GRB10: variants seen among roughly 807,000 people sequenced by gnomAD.
The protein encoded by GRB10 is growth factor receptor bound protein 10.
GRB10 carries 20 observed loss-of-function variants against 80.9 expected under a neutral mutation model. The ratio of observed to expected loss-of-function variants is 0.25; its 90% CI spans 0.17 to 0.36. The LOEUF is 0.36. Among genes scored for constraint, GRB10 ranks in the 10% least tolerant of loss-of-function variants. GRB10 has a pLI of 1.00. For missense variants in GRB10, 548 were observed against 747.7 expected, an observed-to-expected ratio of 0.73 and a Z score of 3.12; for synonymous variants, 291 against 291.5, an observed-to-expected ratio of 1.00 and a Z score of 0.02.
chr7:50,751,257 G>A (rs768589152), intron 3 of GRB10, among the ~76,000 whole-genome samples: 8 of 152,248 alleles, frequency 5.3e-5, no homozygotes, highest in Middle Eastern at 3.4e-3. Context: ...AGGAAAAAAG[G>A]AAGGACACTG....
intron 7 of GRB10, among the ~76,000 whole-genome samples, chr7:50,651,356 T>G (rs1470334705): frequency 6.6e-6 from 1 of 152,236 alleles, no homozygotes; most frequent in Non-Finnish European, 1.5e-5. Context: ...TGGCGGCTGC[T>G]GGCATCTTTG....
At chr7:50,596,758 A>C (rs1232606391) in intron 17 of GRB10, among the ~76,000 whole-genome samples, 1 of 152,248 alleles carries the variant, frequency 6.6e-6, no homozygotes, top group Non-Finnish European at 1.5e-5. Flanking sequence ...AATGTGCCAT[A>C]ATCTTAATAA....
chr7:50,755,570 T>C (rs769923518), intron 3 of GRB10, among the ~76,000 whole-genome samples: 3 of 151,918 alleles, frequency 2.0e-5, no homozygotes, highest in Non-Finnish European at 2.9e-5. Flanking sequence ...CCCCACCATA[T>C]GGAAGGGCAC....
At chr7:50,669,311 G>A (rs2060120729) in intron 7 of GRB10, among the ~76,000 whole-genome samples, 1 of 152,208 alleles carries the variant, frequency 6.6e-6, no homozygotes, top group African/African-American at 2.4e-5. Flanking sequence ...GAGGACTTAG[G>A]AGCTTACAAT....
intron 4 of GRB10, among the ~76,000 whole-genome samples, chr7:50,727,455 C>T (rs984843585): frequency 3.9e-5 from 6 of 152,004 alleles, no homozygotes; most frequent in African/African-American, 1.2e-4. Flanking sequence ...AAATGGTAAG[C>T]GAACAAACAA....
chr7:50,657,290 C>G (rs1456789597), intron 7 of GRB10, among the ~76,000 whole-genome samples: 1 of 152,108 alleles, frequency 6.6e-6, no homozygotes, highest in Non-Finnish European at 1.5e-5. Flanking sequence ...GTTCAATGGT[C>G]AGAGTCAAAA....
intron 3 of GRB10, among the ~76,000 whole-genome samples, chr7:50,742,271 G>GCGCACACACA (rs1189043181): frequency 7.9e-4 from 37 of 46,906 alleles, no homozygotes; most frequent in Admixed American, 2.7e-3. Context: ...ACGCGCGCGC[G>GCGCACACACA]CACACACACA....
Position 50,604,199 on chromosome 7 carries a change from T to C in GRB10, c.1456+112A>G. The C allele has an allele frequency of 1.0e-5, 13 of 1,287,534 alleles. No homozygotes were observed. In the South Asian group the frequency reaches 1.5e-4, roughly 15 times the overall value. 79.8% of individuals were successfully genotyped at this position (1,287,534 alleles called of 1,614,324 possible). A position where few individuals can be genotyped will look rare whatever the true frequency, so the allele number is the denominator to read the frequency against. On this transcript the variant is annotated intron_variant, in intron 16 of 18. Coordinates refer to ENST00000401949, the MANE Select transcript of GRB10 (RefSeq NM_001350814.2). Reference sequence around the variant, plus strand: ...AGCCCCTGACTCCCCCAGCTACAGCTTGTGTGGTGCACTCTGGCCACAGGC... The same window carrying C: ...AGCCCCTGACTCCCCCAGCTACAGCCTGTGTGGTGCACTCTGGCCACAGGC...
chr7:50,704,658 A>C lies in GRB10; in HGVS notation c.52-750T>G, dbSNP rs189385100. On this transcript the variant is annotated intron_variant, in intron 4 of 18. Coordinates refer to ENST00000401949, the MANE Select transcript of GRB10 (RefSeq NM_001350814.2). Reference sequence around the variant, plus strand: ...GTATAAGATGTGCCCCAGAACTACTAATATTAATACATTGTCACAAATATC... The same window carrying C: ...GTATAAGATGTGCCCCAGAACTACTCATATTAATACATTGTCACAAATATC... 5.9e-5 allele frequency among the ~76,000 whole-genome samples: 9 copies of C among 152,354 alleles called. No individual in the cohort carries two copies. In the East Asian group the frequency reaches 1.7e-3, roughly 29 times the overall value.
chr7:50,724,366 T>A (rs988128703), intron 4 of GRB10, among the ~76,000 whole-genome samples: 4 of 152,196 alleles, frequency 2.6e-5, no homozygotes, highest in Non-Finnish European at 4.4e-5. Context: ...AAAAATACGA[T>A]ACACACCCAC....
At chr7:50,735,392 G>A (rs2329490) in intron 3 of GRB10, among the ~76,000 whole-genome samples, 122,317 of 152,170 alleles carry the variant, frequency 0.8, 49,348 homozygotes, top group Middle Eastern at 0.87. Context: ...ATTCAATGCA[G>A]TCCCTATCAA....
At position 50,732,254 on chromosome 7, in the gene GRB10, A is replaced by T; in HGVS notation, c.51+18T>A. 1 of 1,613,312 alleles carries T rather than the reference A, an allele frequency of 6.2e-7. No individual in the cohort carries two copies. The highest frequency in any genetic ancestry group is 1.7e-4 in the Middle Eastern group (1 of 6,052). On this transcript the variant is annotated intron_variant, in intron 4 of 18. Coordinates refer to ENST00000401949, the MANE Select transcript of GRB10 (RefSeq NM_001350814.2). ...CAGCACCATCGGGCCAGGATCAGAT[A>T]TATGTGCTCGCCCATACCTGGTAGT...
intron 5 of GRB10, among the ~76,000 whole-genome samples, chr7:50,675,446 A>C (rs1029016150): frequency 6.6e-6 from 1 of 152,252 alleles, no homozygotes; most frequent in Non-Finnish European, 1.5e-5. Flanking sequence ...GTTTTAGCTA[A>C]ACACTAGACT....
Position 50,696,374 on chromosome 7 carries a change from C to T in GRB10, c.139+7447G>A, listed in dbSNP as rs1193634028. Among the ~76,000 whole-genome samples the T allele has an allele frequency of 2.0e-5, 3 of 152,206 alleles. No individual in the cohort carries two copies. In the East Asian group the frequency reaches 5.8e-4, roughly 29 times the overall value. Reference sequence around the variant, plus strand: ...GCTTTACAGACGCCTCTTTCCAGTTCTCACAACAACTTCACAAAGAAGGCA... The same window carrying T: ...GCTTTACAGACGCCTCTTTCCAGTTTTCACAACAACTTCACAAAGAAGGCA... On this transcript the variant is annotated intron_variant, in intron 5 of 18. Transcript: ENST00000401949.
chr7:50,710,953 G>A, intron 4 of GRB10: 13 of 1,566,804 alleles, frequency 8.3e-6, no homozygotes, highest in Non-Finnish European at 1.1e-5. Context: ...TCACGTGGCT[G>A]TGTCCTCAGC....
chr7:50,642,212 A>G (rs2056381998), intron 7 of GRB10, among the ~76,000 whole-genome samples: 1 of 152,060 alleles, frequency 6.6e-6, no homozygotes, highest in African/African-American at 2.4e-5. Context: ...AGGCAGGACA[A>G]AGGGCCATGC....
intron 13 of GRB10, among the ~76,000 whole-genome samples, chr7:50,608,537 T>A (rs2048929937): frequency 1.3e-5 from 2 of 152,218 alleles, no homozygotes; most frequent in Non-Finnish European, 2.9e-5. Flanking sequence ...AATAACATTA[T>A]GTCTTAAGAG....
At position 50,722,096 on chromosome 7, in the gene GRB10, C is replaced by A. The variant is rs116458927; in HGVS notation, c.51+10176G>T. The stretch of plus-strand genomic sequence containing the variant: ...TACCTCCTATGCCCTCCTCTCCTGT[C>A]TCTCCTGCACCCCAGAGGCAGGGTG... On this transcript the variant is annotated intron_variant, in intron 4 of 18. Transcript: ENST00000401949. Among the ~76,000 whole-genome samples the A allele has an allele frequency of 4.5e-4, 68 of 152,288 alleles. 1 individual carries two copies. The highest frequency in any genetic ancestry group is 1.6e-3 in the African/African-American group (65 of 41,566).
chr7:50,756,479 C>T (rs1187983166), intron 2 of GRB10, among the ~76,000 whole-genome samples: 4 of 152,248 alleles, frequency 2.6e-5, no homozygotes, highest in Admixed American at 1.3e-4. Flanking sequence ...CATGTCAGAC[C>T]TGGCCCCAGC....
Sources: gnomAD v4.1 joint callset for allele counts (sites outside exome capture counted in the v4.1 genomes callset) on GRCh38, gnomAD v4.1.1 for gene constraint, MANE v1.5 for transcripts, NCBI Gene and HGNC (gene_info 2026-07-23, HGNC 2026-07-21) for gene names.